DPP6: variants seen among roughly 807,000 people sequenced by gnomAD.
The protein encoded by DPP6 is dipeptidyl peptidase like 6, also known as A-type potassium channel modulatory protein DPP6.
Under a neutral mutation model 122.6 loss-of-function variants are expected in DPP6, and 69 were observed. That is an observed-to-expected ratio of 0.56 (90% CI 0.46 to 0.69). DPP6 has a LOEUF of 0.69. DPP6 is among the 30% of genes least tolerant of loss of function. The pLI is 0.00. For synonymous variants in DPP6, 418 were observed against 433.1 expected, an observed-to-expected ratio of 0.97 and a Z score of 0.43; for missense variants, 928 against 1,116.9, an observed-to-expected ratio of 0.83 and a Z score of 2.41.
At chr7:154,612,002 T>C (rs1271036437) in intron 5 of DPP6, among the ~76,000 whole-genome samples, 1 of 152,192 alleles carries the variant, frequency 6.6e-6, no homozygotes, top group African/African-American at 2.4e-5. Flanking sequence ...TCCACTGCAA[T>C]AGTGCTGGGA....
chr7:153,841,263 C>A, the DPP6 span, among the ~76,000 whole-genome samples: 3 of 152,144 alleles, frequency 2.0e-5, no homozygotes, highest in Admixed American at 2.0e-4. Context: ...GATGCATTGT[C>A]GTTTTGAAAG....
chr7:154,637,941 G>C, intron 6 of DPP6, 68 bp downstream of exon 6: 1 of 1,512,178 alleles, frequency 6.6e-7, no homozygotes, highest in Non-Finnish European at 8.9e-7. Flanking sequence ...GAACATGGAC[G>C]AGCTGTTTAA....
intron 1 of DPP6, among the ~76,000 whole-genome samples, chr7:153,895,740 A>G (rs879289218): frequency 3.7e-4 from 56 of 151,550 alleles, no homozygotes; most frequent in Middle Eastern, 6.8e-3. Flanking sequence ...ACACACACAC[A>G]CACACACACA....
chr7:154,873,858 GCA>G (rs952651545), intron 19 of DPP6, among the ~76,000 whole-genome samples: 1 of 121,310 alleles, frequency 8.2e-6, no homozygotes, highest in Admixed American at 8.3e-5. Flanking sequence ...ATACCCACAT[GCA>G]CACACACCCA....
intron 1 of DPP6, among the ~76,000 whole-genome samples, chr7:154,281,398 C>T (rs931075388): frequency 6.6e-6 from 1 of 152,138 alleles, no homozygotes; most frequent in Non-Finnish European, 1.5e-5. Flanking sequence ...GGTGGGCTCT[C>T]CCTGGGCTGT....
intron 1 of DPP6, among the ~76,000 whole-genome samples, chr7:154,203,908 G>T (rs941257197): frequency 3.9e-5 from 6 of 152,164 alleles, no homozygotes; most frequent in Admixed American, 6.5e-5. Context: ...GTGTGTTTTT[G>T]TGAAAATGAC....
intron 1 of DPP6, among the ~76,000 whole-genome samples, chr7:154,266,262 A>G (rs529571745): frequency 1.3e-5 from 2 of 152,274 alleles, no homozygotes; most frequent in East Asian, 1.9e-4. Flanking sequence ...GGTGTCCTCA[A>G]TTTGGGGAGA....
At chr7:153,970,743 G>A (rs1469065914) in intron 1 of DPP6, among the ~76,000 whole-genome samples, 2 of 152,168 alleles carry the variant, frequency 1.3e-5, no homozygotes, top group East Asian at 1.9e-4. Context: ...ATGTTGAAAT[G>A]GTGATTGTCT....
intron 1 of DPP6, among the ~76,000 whole-genome samples, chr7:154,084,987 C>G (rs1449987991): frequency 3.8e-5 from 1 of 26,198 alleles, no homozygotes; most frequent in African/African-American, 2.2e-4. Flanking sequence ...GAGACTCCGT[C>G]TCAAAAAAAA....
intron 7 of DPP6, among the ~76,000 whole-genome samples, chr7:154,684,060 G>C (rs1296714918): frequency 6.6e-6 from 1 of 152,012 alleles, no homozygotes; most frequent in Non-Finnish European, 1.5e-5. Flanking sequence ...GTAGAGATGG[G>C]GGTCTCACTG....
At chr7:154,065,822 G>A (rs1269796725) in intron 1 of DPP6, among the ~76,000 whole-genome samples, 1 of 152,052 alleles carries the variant, frequency 6.6e-6, no homozygotes, top group Non-Finnish European at 1.5e-5. Context: ...AGGGAATGGG[G>A]CAAGTTCCTG....
chr7:154,499,323 C>T (rs968169715), intron 3 of DPP6, among the ~76,000 whole-genome samples: 4 of 152,140 alleles, frequency 2.6e-5, no homozygotes, highest in African/African-American at 7.2e-5. Context: ...TAGCACTGCC[C>T]CCCTGCCTTC....
chr7:154,326,909 T>C (rs977147493), intron 1 of DPP6, among the ~76,000 whole-genome samples: 28 of 152,174 alleles, frequency 1.8e-4, no homozygotes, highest in African/African-American at 6.5e-4. Context: ...AGGGAGGTGA[T>C]TGGTCTTGTT....
intron 5 of DPP6, 119 bp downstream of exon 5, chr7:154,567,035 A>G: frequency 1.4e-6 from 1 of 736,752 alleles, no homozygotes; most frequent in Non-Finnish European, 2.2e-6. Flanking sequence ...TACTTTGTAC[A>G]TCCTGGAAGT....
At chr7:154,225,411 C>T (rs916493025) in intron 1 of DPP6, among the ~76,000 whole-genome samples, 2 of 152,006 alleles carry the variant, frequency 1.3e-5, no homozygotes, top group African/African-American at 4.8e-5. Flanking sequence ...AATCATGTTA[C>T]CTCTCTTGAC....
At chr7:154,275,160 GCAGCCT>G (rs1396494772) in intron 1 of DPP6, among the ~76,000 whole-genome samples, 1 of 152,238 alleles carries the variant, frequency 6.6e-6, no homozygotes, top group Non-Finnish European at 1.5e-5. Context: ...GCCCCTTTGG[GCAGCCT>G]CAGCCAAGGA....
chr7:154,684,281 C>G (rs1028163123), intron 7 of DPP6, among the ~76,000 whole-genome samples: 1 of 152,042 alleles, frequency 6.6e-6, no homozygotes, highest in Non-Finnish European at 1.5e-5. Context: ...TATCACCACA[C>G]TCATCACTCT....
chr7:153,887,415 G>A (rs1034607544), exon 1 of DPP6: 3 of 382,926 alleles, frequency 7.8e-6, no homozygotes, highest in Non-Finnish European at 1.4e-5. Context: ...TTTGTTTAAA[G>A]CAACACCCAC....
intron 5 of DPP6, among the ~76,000 whole-genome samples, chr7:154,578,326 G>A (rs2130645096): frequency 6.6e-6 from 1 of 152,332 alleles, no homozygotes; most frequent in South Asian, 2.1e-4. Context: ...AGCATAGCAA[G>A]TGCCTGGGAA....
Sources: gnomAD v4.1 joint callset for allele counts (sites outside exome capture counted in the v4.1 genomes callset) on GRCh38, gnomAD v4.1.1 for gene constraint, MANE v1.5 for transcripts, NCBI Gene and HGNC (gene_info 2026-07-23, HGNC 2026-07-21) for gene names.